Variants in NACC2 observed in about 807,000 individuals in gnomAD.
The protein encoded by NACC2 is nucleus accumbens-associated protein 2.
Under a neutral mutation model 25.1 loss-of-function variants are expected in NACC2, and 8 were observed. The ratio of observed to expected loss-of-function variants is 0.32; its 90% CI spans 0.19 to 0.57. The LOEUF is 0.57. Among genes scored for constraint, NACC2 ranks in the 20% least tolerant of loss-of-function variants. NACC2 has a pLI of 0.89. For missense variants in NACC2, 644 were observed against 650.2 expected, an observed-to-expected ratio of 0.99 and a Z score of 0.10; for synonymous variants, 435 against 294.7, an observed-to-expected ratio of 1.48 and a Z score of -4.88.
At chr9:136,053,416 C>T (rs1384777382) in intron 1 of NACC2, among the ~76,000 whole-genome samples, 2 of 152,118 alleles carry the variant, frequency 1.3e-5, no homozygotes, top group South Asian at 2.1e-4. Flanking sequence ...GGGATGGGGG[C>T]GTTTACAGAA....
At chr9:136,021,234 C>T (rs1433251591) in intron 2 of NACC2, among the ~76,000 whole-genome samples, 1 of 152,216 alleles carries the variant, frequency 6.6e-6, no homozygotes, top group Non-Finnish European at 1.5e-5. Flanking sequence ...TTTGAAGACT[C>T]TTCCCCAGGG....
chr9:136,017,741 C>G (rs1272083131), intron 2 of NACC2, among the ~76,000 whole-genome samples: 3 of 152,226 alleles, frequency 2.0e-5, no homozygotes, highest in Admixed American at 6.5e-5. Flanking sequence ...CTCCCTCATT[C>G]CTGTGTCCCA....
rs1327101989 is a variant in NACC2 at position 136,006,610 on chromosome 9, TTTTG to T, written c.*4902_*4905del. 2.0e-5 allele frequency: 3 copies of T among 152,272 alleles called. No individual in the cohort carries two copies. Among genetic ancestry groups the T allele is most frequent in the African/African-American group, 7.2e-5 (3 of 41,476 alleles). 9.4% of individuals were successfully genotyped at this position (152,272 alleles called of 1,614,324 possible). Reference sequence around the variant, plus strand: ...CGCTTTACAATTAATGATCACATCCTTTTGTTTGTCATGGATTTCCACTGTCTGA... The same window carrying T: ...CGCTTTACAATTAATGATCACATCCTTTTGTCATGGATTTCCACTGTCTGA... On this transcript the variant is annotated 3_prime_UTR_variant, in exon 6 of 6. Coordinates refer to ENST00000277554, the MANE Select transcript of NACC2 (RefSeq NM_144653.5).
chr9:136,045,586 C>T (rs961073067), intron 2 of NACC2, among the ~76,000 whole-genome samples: 77 of 152,294 alleles, frequency 5.1e-4, no homozygotes, highest in African/African-American at 1.8e-3. Context: ...GGCGCAGGTC[C>T]GGGCAGCCCC....
intron 1 of NACC2, among the ~76,000 whole-genome samples, chr9:136,090,031 C>T (rs528170029): frequency 1.3e-5 from 2 of 150,156 alleles, no homozygotes; most frequent in East Asian, 3.9e-4. Context: ...TATCAATATA[C>T]AAAATTTAAC....
chr9:136,062,740 C>T (rs10776873), intron 1 of NACC2, among the ~76,000 whole-genome samples: 45,924 of 152,006 alleles, frequency 0.3, 7,501 homozygotes, highest in Non-Finnish European at 0.36. Context: ...CATGGCGAAA[C>T]CCCATCTCTA....
intron 2 of NACC2, among the ~76,000 whole-genome samples, chr9:136,030,208 T>C (rs1317389144): frequency 6.6e-6 from 1 of 151,930 alleles, no homozygotes; most frequent in African/African-American, 2.4e-5. Context: ...CCTTTAGAAA[T>C]ATACACCCCA....
At chr9:136,021,087 A>G (rs1203792038) in intron 2 of NACC2, among the ~76,000 whole-genome samples, 2 of 152,248 alleles carry the variant, frequency 1.3e-5, no homozygotes, top group Admixed American at 1.3e-4. Context: ...AAGATAAAAA[A>G]ACAAGCTAGC....
chr9:136,024,324 CAG>C (rs1218346107), intron 2 of NACC2, among the ~76,000 whole-genome samples: 10 of 79,360 alleles, frequency 1.3e-4, no homozygotes, highest in South Asian at 4.3e-4. Flanking sequence ...TGTGTGAGGA[CAG>C]AGTGTGTGTG....
chr9:136,072,525 A>G (rs1010861597), intron 1 of NACC2, among the ~76,000 whole-genome samples: 1 of 152,012 alleles, frequency 6.6e-6, no homozygotes, highest in Non-Finnish European at 1.5e-5. Context: ...AGCCTGCACA[A>G]CAGGGCAAGA....
rs1276884116 is a variant in NACC2 at position 136,053,408 on chromosome 9, G to C, written c.-59-2828C>G. ...GCTGGTGACAACTCAAGGAGACTGG[G>C]ATGGGGGCGTTTACAGAAACGTCCC... On this transcript the variant is annotated intron_variant, in intron 1 of 5. Coordinates refer to ENST00000277554, the MANE Select transcript of NACC2 (RefSeq NM_144653.5). 5.1e-4 allele frequency among the ~76,000 whole-genome samples: 77 copies of C among 152,312 alleles called. No individual in the cohort carries two copies. The South Asian group carries it at 0.016, about 32-fold the overall frequency.
intron 2 of NACC2, among the ~76,000 whole-genome samples, chr9:136,033,169 C>A (rs1475828621): frequency 6.6e-6 from 1 of 151,404 alleles, no homozygotes; most frequent in Non-Finnish European, 1.5e-5. Flanking sequence ...GAGTGAGACC[C>A]TGTCTCAAAA....
intron 1 of NACC2, among the ~76,000 whole-genome samples, chr9:136,081,413 C>T (rs1379940035): frequency 1.3e-5 from 2 of 152,226 alleles, no homozygotes; most frequent in Admixed American, 6.5e-5. Flanking sequence ...CCATCCTCCA[C>T]GCGTCCTCCC....
Position 136,041,076 on chromosome 9 carries a change from G to C in NACC2, c.886+8560C>G, listed in dbSNP as rs891600972. ...GAAGGAAGGAAAGGAAGGAAGGAAG[G>C]AAAGGAAGGAAGCAAAGGAAAGGAA... On this transcript the variant is annotated intron_variant, in intron 2 of 5. Coordinates refer to ENST00000277554, the MANE Select transcript of NACC2 (RefSeq NM_144653.5). Among the ~76,000 whole-genome samples the C allele has an allele frequency of 1.5e-4, 14 of 95,776 alleles. No individual in the cohort carries two copies. The South Asian group carries it at 4.7e-3, about 32-fold the overall frequency. The allele number at this position is 95,776 out of a possible 152,430, so 62.8% of individuals were successfully genotyped here. A position where few individuals can be genotyped will look rare whatever the true frequency, so the allele number is the denominator to read the frequency against.
intron 2 of NACC2, among the ~76,000 whole-genome samples, chr9:136,044,878 G>A (rs1588569256): frequency 2.0e-5 from 3 of 152,306 alleles, no homozygotes; most frequent in Admixed American, 1.3e-4. Flanking sequence ...GTGGCCCAGG[G>A]CCGGGAGCAC....
At chr9:136,012,306 T>C (rs1056126063) in intron 5 of NACC2, among the ~76,000 whole-genome samples, 3 of 152,254 alleles carry the variant, frequency 2.0e-5, no homozygotes, top group African/African-American at 7.2e-5. Context: ...GGCCTGTTTT[T>C]AATCTCTCCG....
At chr9:136,088,994 T>C (rs1425449119) in intron 1 of NACC2, among the ~76,000 whole-genome samples, 3 of 152,234 alleles carry the variant, frequency 2.0e-5, no homozygotes, top group African/African-American at 7.2e-5. Context: ...AGGCGGCTGT[T>C]ACAACACTAA....
intron 2 of NACC2, among the ~76,000 whole-genome samples, chr9:136,049,270 C>T (rs1840777007): frequency 6.6e-6 from 1 of 152,188 alleles, no homozygotes; most frequent in South Asian, 2.1e-4. Context: ...GGGTGAGGCG[C>T]AGACTGAGGT....
intron 1 of NACC2, among the ~76,000 whole-genome samples, chr9:136,087,344 C>A (rs1001325167): frequency 6.6e-6 from 1 of 152,224 alleles, no homozygotes; most frequent in Non-Finnish European, 1.5e-5. Context: ...CCCTGCCCCC[C>A]TCCAACACAC....
Sources: allele counts gnomAD v4.1 joint callset (sites outside exome capture counted in the v4.1 genomes callset), GRCh38; gene constraint gnomAD v4.1.1; transcripts MANE v1.5; gene names NCBI Gene and HGNC (gene_info 2026-07-23, HGNC 2026-07-21).